STX2: variants seen among roughly 807,000 people sequenced by gnomAD.
The protein encoded by STX2 is syntaxin-2.
STX2 carries 27 observed loss-of-function variants against 40.6 expected under a neutral mutation model. The observed-to-expected ratio is 0.66, with a 90% CI of 0.49 to 0.92. The LOEUF (loss-of-function observed/expected upper bound fraction) is 0.92, where lower values mean the gene tolerates loss of function less well. Ranked by LOEUF, STX2 falls within the 40% of genes least tolerant of loss-of-function variation. STX2 has a pLI of 0.00. For synonymous variants in STX2, 123 were observed against 119.1 expected, an observed-to-expected ratio of 1.03 and a Z score of -0.22; for missense variants, 328 against 366.1, an observed-to-expected ratio of 0.90 and a Z score of 0.85.
intron 1 of STX2, among the ~76,000 whole-genome samples, chr12:130,828,230 T>G (rs1232809313): frequency 5.3e-5 from 8 of 152,122 alleles, no homozygotes; most frequent in Admixed American, 5.2e-4. Context: ...CCTACTCTTT[T>G]TTTTTGGAAA....
chr12:130,809,203 G>GAT (rs1565915010), intron 4 of STX2, among the ~76,000 whole-genome samples: 1 of 151,940 alleles, frequency 6.6e-6, no homozygotes, highest in Non-Finnish European at 1.5e-5. Flanking sequence ...GATACACACA[G>GAT]ATATATATAC....
At chr12:130,799,226 G>A (rs181265848) in intron 8 of STX2, among the ~76,000 whole-genome samples, 9 of 152,278 alleles carry the variant, frequency 5.9e-5, no homozygotes, top group Non-Finnish European at 1.0e-4. Context: ...GAAGAATGAC[G>A]GAGAGTTAAC....
chr12:130,822,792 G>A (rs1186354436), intron 2 of STX2, among the ~76,000 whole-genome samples: 1 of 152,230 alleles, frequency 6.6e-6, no homozygotes, highest in East Asian at 1.9e-4. Flanking sequence ...ATGTGTGTGT[G>A]TGAAAAATCA....
At chr12:130,804,462 T>C (rs1199831750) in intron 6 of STX2, among the ~76,000 whole-genome samples, 2 of 152,182 alleles carry the variant, frequency 1.3e-5, no homozygotes, top group African/African-American at 4.8e-5. Flanking sequence ...AAGATGCTCA[T>C]CCAGCCTGAC....
chr12:130,797,688 A>G (rs150807919), intron 9 of STX2, among the ~76,000 whole-genome samples: 126 of 152,366 alleles, frequency 8.3e-4, no homozygotes, highest in African/African-American at 2.9e-3. Flanking sequence ...TGTCAGGGGC[A>G]CTATCATAAA....
chr12:130,797,352 T>C (rs1951061571), intron 9 of STX2, among the ~76,000 whole-genome samples: 1 of 152,174 alleles, frequency 6.6e-6, no homozygotes, highest in Admixed American at 6.5e-5. Flanking sequence ...TTCACCTCAG[T>C]TTACATTAGG....
At chr12:130,795,386 C>A (rs538987500) in intron 10 of STX2, among the ~76,000 whole-genome samples, 42 of 152,248 alleles carry the variant, frequency 2.8e-4, no homozygotes, top group African/African-American at 7.7e-4. Context: ...TTAATCTTCA[C>A]TGAATTTCTA....
intron 6 of STX2, 46 bp from the exon 7 acceptor site, chr12:130,801,534 TA>T (rs1397983972): frequency 1.3e-6 from 2 of 1,498,410 alleles, no homozygotes; most frequent in African/African-American, 2.8e-5. Flanking sequence ...CAGCACAATT[TA>T]AAAACAAAGC....
Position 130,801,476 on chromosome 12 carries a change from G to A in STX2, c.476C>T (p.Thr159Ile), listed in dbSNP as rs940835261. The change falls in exon 7 of 11, where the codon ACC becomes ATC. Residue 159 changes from threonine to isoleucine, a missense_variant. Thr to Ile is a moderately conservative substitution (Grantham distance 89, BLOSUM62 -1). Coordinates refer to ENST00000392373, the MANE Select transcript of STX2 (RefSeq NM_194356.4). ...CATCTCTTCTAGCTCGTCGTCTGTG[G>A]TGGTTCTCCCAGCTGAAAGACCCGC... Reference protein sequence around the residue: ...QRQLEITGRTTTDDELEEMLE... With the variant: ...QRQLEITGRTITDDELEEMLE... 4 of 1,604,112 alleles carry A rather than the reference G, an allele frequency of 2.5e-6. No homozygotes were observed. The highest frequency in any genetic ancestry group is 3.4e-6 in the Non-Finnish European group (4 of 1,175,110).
intron 3 of STX2, among the ~76,000 whole-genome samples, chr12:130,818,336 A>G (rs1364352077): frequency 6.9e-6 from 1 of 145,360 alleles, no homozygotes; most frequent in Non-Finnish European, 1.5e-5. Context: ...GAGATCACGC[A>G]GCTGCACTCT....
rs112220055 is a variant in STX2 at position 130,821,689 on chromosome 12, T to G, written c.205A>C (p.Lys69Gln). The change falls in exon 3 of 11, where the codon AAA (lysine) becomes CAA (glutamine). Residue 69 changes from lysine to glutamine, a missense_variant and splice_region_variant. Transcript: ENST00000392373. ...IILSAPNPEG[K>Q]IKEELEDLNK... ...TTTGTTGTGAAAACCAACAACTTAC[T>G]TCCTTCCGGGTTTGGTGCAGAAAGA... is the stretch of plus-strand genomic sequence containing the variant. 8.7e-6 allele frequency: 14 copies of G among 1,613,094 alleles called. No homozygotes were observed. Among genetic ancestry groups the G allele is most frequent in the African/African-American group, 6.7e-5 (5 of 75,018 alleles).
At chr12:130,794,073 G>A (rs73457946) in intron 10 of STX2, among the ~76,000 whole-genome samples, 7,817 of 152,202 alleles carry the variant, frequency 0.051, 628 homozygotes, top group African/African-American at 0.17. Flanking sequence ...ATGAAAAGTC[G>A]CGCATTTCAC....
At chr12:130,796,148 T>A (rs1951021357) in intron 9 of STX2, 28 bp from the exon 10 acceptor site, 1 of 1,612,920 alleles carries the variant, frequency 6.2e-7, no homozygotes, top group African/African-American at 1.3e-5. Flanking sequence ...GCTGATTATA[T>A]CATGCATGGT....
chr12:130,837,316 C>CA (rs1349469726), intron 1 of STX2, among the ~76,000 whole-genome samples: 1 of 152,028 alleles, frequency 6.6e-6, no homozygotes, highest in Non-Finnish European at 1.5e-5. Context: ...TTTTCTGAAA[C>CA]AGAGTCTCTT....
intron 5 of STX2, among the ~76,000 whole-genome samples, chr12:130,808,273 A>G (rs1262229737): frequency 6.6e-6 from 1 of 152,114 alleles, no homozygotes; most frequent in Non-Finnish European, 1.5e-5. Flanking sequence ...GCCTCACAGC[A>G]GTGTGGCCAC....
chr12:130,830,422 A>AGTAGC (rs1952514861), intron 1 of STX2, among the ~76,000 whole-genome samples: 1 of 152,176 alleles, frequency 6.6e-6, no homozygotes, highest in African/African-American at 2.4e-5. Context: ...CACCCCCCAC[A>AGTAGC]GTGGCGTGGC....
chr12:130,794,657 C>A (rs1273594391), intron 10 of STX2, among the ~76,000 whole-genome samples: 1 of 152,024 alleles, frequency 6.6e-6, no homozygotes, highest in Non-Finnish European at 1.5e-5. Context: ...TGCCACCATG[C>A]CCAATTAGTT....
At chr12:130,800,419 G>A (rs1382734485) in intron 8 of STX2, among the ~76,000 whole-genome samples, 1 of 151,594 alleles carries the variant, frequency 6.6e-6, no homozygotes, top group Non-Finnish European at 1.5e-5. Context: ...TCCCACCTCA[G>A]CCTCCCAGAG....
At chr12:130,801,625 A>G (rs1030690682) in intron 6 of STX2, 137 bp from the exon 7 acceptor site, 3 of 865,312 alleles carry the variant, frequency 3.5e-6, no homozygotes, top group Non-Finnish European at 4.8e-6. Context: ...TCTTAAGCAG[A>G]TATTGACAAT....
Sources: allele counts gnomAD v4.1 joint callset (sites outside exome capture counted in the v4.1 genomes callset), GRCh38; gene constraint gnomAD v4.1.1; transcripts MANE v1.5; gene names NCBI Gene and HGNC (gene_info 2026-07-23, HGNC 2026-07-21).